Variants in DAP observed in about 807,000 individuals in gnomAD.
DAP encodes death-associated protein 1.
DAP carries 8 observed loss-of-function variants against 13.8 expected under a neutral mutation model. The observed-to-expected ratio is 0.58, with a 90% confidence interval of 0.34 to 1.05. The LOEUF is 1.05. Ranked by LOEUF, DAP falls within the 50% of genes least tolerant of loss-of-function variation. The pLI is 0.03. For synonymous variants in DAP, 47 were observed against 47.5 expected, an observed-to-expected ratio of 0.99 and a Z score of 0.04; for missense variants, 106 against 133.2, an observed-to-expected ratio of 0.80 and a Z score of 1.01.
At chr5:10,748,544 G>C (rs549097021) in intron 1 of DAP, among the ~76,000 whole-genome samples, 26 of 152,358 alleles carry the variant, frequency 1.7e-4, no homozygotes, top group African/African-American at 5.3e-4. Flanking sequence ...TGTCAGAGCA[G>C]CAGTGTAACG....
rs1358400627 is a variant in DAP at position 10,699,077 on chromosome 5, G to A, written c.153-15506C>T. ...CAGCATACCTGTATGACCCCTAGTC[G>A]GCAAATGGCCACTTGGCTCTATTTC... On this transcript the variant is annotated intron_variant, in intron 2 of 3. Coordinates refer to ENST00000230895, the MANE Select transcript of DAP (RefSeq NM_004394.3). 2.6e-5 allele frequency among the ~76,000 whole-genome samples: 4 copies of A among 152,168 alleles called. No individual in the cohort carries two copies. In the South Asian group the frequency reaches 6.2e-4, roughly 24 times the overall value.
chr5:10,733,883 C>T (rs1020118284), intron 2 of DAP: 1 of 152,186 alleles, frequency 6.6e-6, no homozygotes, highest in African/African-American at 2.4e-5. Context: ...CAATTGAAGT[C>T]AACAGGGCTT....
intron 1 of DAP, among the ~76,000 whole-genome samples, chr5:10,758,962 G>C (rs904558454): frequency 1.3e-5 from 2 of 152,186 alleles, no homozygotes; most frequent in African/African-American, 4.8e-5. Flanking sequence ...TGAGGTGGGT[G>C]GATCACCTGA....
intron 3 of DAP, among the ~76,000 whole-genome samples, chr5:10,682,593 C>T (rs181469692): frequency 3.9e-5 from 6 of 152,326 alleles, no homozygotes; most frequent in Admixed American, 1.3e-4. Flanking sequence ...AGGCCAGCAC[C>T]CACCAGCGTC....
At chr5:10,713,142 C>T (rs549850110) in intron 2 of DAP, among the ~76,000 whole-genome samples, 1 of 152,286 alleles carries the variant, frequency 6.6e-6, no homozygotes, top group East Asian at 1.9e-4. Context: ...ACTCCACAGG[C>T]AACCTTCCCA....
rs1740176950 is a variant in DAP at position 10,756,161 on chromosome 5, C to G, written c.55+4853G>C. On this transcript the variant is annotated intron_variant, in intron 1 of 3. Coordinates refer to ENST00000230895, the MANE Select transcript of DAP (RefSeq NM_004394.3). Reference sequence around the variant, plus strand: ...TCTAGACAAGAACAACAAAAAAAGGCTAGGGAAGAGGTGAAATGCCATGGG... The same window carrying G: ...TCTAGACAAGAACAACAAAAAAAGGGTAGGGAAGAGGTGAAATGCCATGGG... Among the ~76,000 whole-genome samples the G allele has an allele frequency of 2.1e-5, 2 of 97,266 alleles. 1 individual carries two copies. The highest frequency in any genetic ancestry group is 4.3e-5 in the Non-Finnish European group (2 of 46,164). 63.8% of individuals were successfully genotyped at this position (97,266 alleles called of 152,430 possible). A position where few individuals can be genotyped will look rare whatever the true frequency, so the allele number is the denominator to read the frequency against.
intron 1 of DAP, among the ~76,000 whole-genome samples, chr5:10,752,510 C>T (rs1215348459): frequency 1.3e-5 from 2 of 152,116 alleles, no homozygotes; most frequent in Admixed American, 1.3e-4. Flanking sequence ...AGATTTTTGT[C>T]GTGGTGGTTG....
chr5:10,748,357 C>T, intron 1 of DAP, 86 bp from the exon 2 acceptor site: 1 of 1,018,568 alleles, frequency 9.8e-7, no homozygotes, highest in Non-Finnish European at 1.6e-6. Context: ...GTTCTGGTTG[C>T]TCAGTGGCCA....
chr5:10,697,185 C>T (rs889691555), intron 2 of DAP, among the ~76,000 whole-genome samples: 3 of 152,180 alleles, frequency 2.0e-5, no homozygotes, highest in Non-Finnish European at 4.4e-5. Context: ...CTAGATCAGG[C>T]ATTGGACATA....
intron 2 of DAP, among the ~76,000 whole-genome samples, chr5:10,746,744 T>C (rs1739916191): frequency 6.6e-6 from 1 of 152,214 alleles, no homozygotes; most frequent in Non-Finnish European, 1.5e-5. Context: ...CACTCAGAAA[T>C]GTCACCCAAA....
At position 10,680,987 on chromosome 5, in the gene DAP, TTCTC is replaced by T. The variant is rs752505316; in HGVS notation, c.*65_*68del. 3.2e-6 allele frequency: 5 copies of T among 1,549,538 alleles called. No individual in the cohort carries two copies. Among genetic ancestry groups the T allele is most frequent in the South Asian group, 1.2e-5 (1 of 84,150 alleles). ...AGTAGGATTTGGGCGAAACTGCTGG[TTCTC>T]TCTGTCAGGGAAATACCAAGTGCAG... On this transcript the variant is annotated 3_prime_UTR_variant, in exon 4 of 4. Coordinates refer to ENST00000230895, the MANE Select transcript of DAP (RefSeq NM_004394.3).
chr5:10,709,166 C>T (rs962936086), intron 2 of DAP, among the ~76,000 whole-genome samples: 9 of 152,218 alleles, frequency 5.9e-5, no homozygotes, highest in Non-Finnish European at 1.3e-4. Context: ...TTTTAAAAAG[C>T]ACATCTGACT....
At chr5:10,757,247 T>G (rs953728640) in intron 1 of DAP, among the ~76,000 whole-genome samples, 1 of 151,542 alleles carries the variant, frequency 6.6e-6, no homozygotes, top group African/African-American at 2.4e-5. Flanking sequence ...CTCAGGGGAG[T>G]TGGCAACAGA....
intron 1 of DAP, among the ~76,000 whole-genome samples, chr5:10,752,638 CTGTGTG>C (rs35087570): frequency 1.3e-5 from 2 of 150,632 alleles, no homozygotes; most frequent in Non-Finnish European, 3.0e-5. Flanking sequence ...CCAGTTCTGC[CTGTGTG>C]TGTGTGTGTG....
chr5:10,701,592 T>C (rs1738576333), intron 2 of DAP, among the ~76,000 whole-genome samples: 2 of 10,940 alleles, frequency 1.8e-4, no homozygotes, highest in South Asian at 4.8e-3. Context: ...ATAAAAAGGT[T>C]GAGGGGGACG....
At chr5:10,717,985 C>T (rs1028676998) in intron 2 of DAP, among the ~76,000 whole-genome samples, 7 of 152,200 alleles carry the variant, frequency 4.6e-5, no homozygotes, top group African/African-American at 1.7e-4. Flanking sequence ...AGTCAGTTTA[C>T]ACACCCAGAA....
intron 2 of DAP, among the ~76,000 whole-genome samples, chr5:10,684,713 T>C (rs929499972): frequency 6.6e-6 from 1 of 152,358 alleles, no homozygotes; most frequent in Admixed American, 6.5e-5. Context: ...TTCTGTACAC[T>C]TATTTTTTAT....
At chr5:10,685,856 C>A (rs1327647986) in intron 2 of DAP, among the ~76,000 whole-genome samples, 1 of 152,206 alleles carries the variant, frequency 6.6e-6, no homozygotes, top group Non-Finnish European at 1.5e-5. Flanking sequence ...CCTCACCAAA[C>A]TGAGCCCTAA....
chr5:10,721,322 C>T (rs1739133802), intron 2 of DAP, among the ~76,000 whole-genome samples: 1 of 152,174 alleles, frequency 6.6e-6, no homozygotes, highest in Admixed American at 6.5e-5. Flanking sequence ...TTATGTTCTG[C>T]TGGCCTAGAG....
Sources: allele counts gnomAD v4.1 joint callset (sites outside exome capture counted in the v4.1 genomes callset), GRCh38; gene constraint gnomAD v4.1.1; transcripts MANE v1.5; gene names NCBI Gene and HGNC (gene_info 2026-07-23, HGNC 2026-07-21).